CRPPA: variants seen among roughly 807,000 people sequenced by gnomAD.
CRPPA encodes D-ribitol-5-phosphate cytidylyltransferase.
CRPPA carries 43 observed loss-of-function variants against 52.0 expected under a neutral mutation model. The observed-to-expected ratio is 0.83, with a 90% confidence interval of 0.65 to 1.07. The LOEUF (loss-of-function observed/expected upper bound fraction) is 1.07, where lower values mean the gene tolerates loss of function less well. Among genes scored for constraint, CRPPA ranks in the 50% least tolerant of loss-of-function variants. The pLI, the probability that CRPPA is intolerant of heterozygous loss-of-function variation, is 0.00. For synonymous variants in CRPPA, 250 were observed against 203.5 expected (o/e 1.23, Z -1.94); for missense variants, 629 against 551.7 (o/e 1.14, Z -1.40).
chr7:16,376,384 G>C (rs997089335), intron 2 of CRPPA, 143 bp from the exon 3 acceptor site: 1 of 777,450 alleles, frequency 1.3e-6, no homozygotes, highest in East Asian at 3.0e-5. Flanking sequence ...AGTGTGATTG[G>C]TTCAAAAATG....
At chr7:16,114,373 T>G (rs1782327263) in intron 9 of CRPPA, among the ~76,000 whole-genome samples, 1 of 151,242 alleles carries the variant, frequency 6.6e-6, no homozygotes, top group Admixed American at 6.6e-5. Context: ...AACTGCAAGT[T>G]AAAGAAAATA....
intron 3 of CRPPA, among the ~76,000 whole-genome samples, chr7:16,340,704 T>A (rs1419468090): frequency 6.6e-6 from 1 of 151,898 alleles, no homozygotes; most frequent in Non-Finnish European, 1.5e-5. Context: ...TTGCAGTTCC[T>A]CAGGAAACTA....
At chr7:16,105,662 C>T (rs1453744625) in intron 9 of CRPPA, among the ~76,000 whole-genome samples, 1 of 152,036 alleles carries the variant, frequency 6.6e-6, no homozygotes, top group African/African-American at 2.4e-5. Flanking sequence ...CATAACCCAC[C>T]CACAAAGCTG....
At chr7:16,312,149 C>T (rs1424492775) in intron 3 of CRPPA, among the ~76,000 whole-genome samples, 1 of 151,968 alleles carries the variant, frequency 6.6e-6, no homozygotes, top group Non-Finnish European at 1.5e-5. Context: ...TTTGTCAATA[C>T]TCCAAAATAG....
chr7:16,362,867 T>G (rs1257344006), intron 3 of CRPPA, among the ~76,000 whole-genome samples: 1 of 152,180 alleles, frequency 6.6e-6, no homozygotes, highest in Non-Finnish European at 1.5e-5. Context: ...CAGAGGTTTG[T>G]CTCAGTTTTT....
chr7:16,234,621 C>T (rs1782892287), intron 8 of CRPPA, among the ~76,000 whole-genome samples: 1 of 152,040 alleles, frequency 6.6e-6, no homozygotes, highest in South Asian at 2.1e-4. Context: ...TTATTATTTC[C>T]TCATATCTGC....
intron 9 of CRPPA, among the ~76,000 whole-genome samples, chr7:16,167,577 C>T (rs1284848541): frequency 6.6e-6 from 1 of 152,088 alleles, no homozygotes; most frequent in Non-Finnish European, 1.5e-5. Context: ...CAGTGTAGTA[C>T]AGTATAAAAG....
Position 16,133,249 on chromosome 7 carries a change from G to A in CRPPA, c.1252-41450C>T, listed in dbSNP as rs1180958397. On this transcript the variant is annotated intron_variant, in intron 9 of 9. Transcript: ENST00000407010. ...TGAGAATTGCTTGAACCCAGGAGGT[G>A]GAGGTTGCAGTGAGCTGAAATCACA... Among the ~76,000 whole-genome samples the A allele has an allele frequency of 2.5e-5, 3 of 122,134 alleles. 1 individual carries two copies. Among genetic ancestry groups the A allele is most frequent in the Non-Finnish European group, 3.7e-5 (2 of 53,926 alleles). 80.1% of individuals were successfully genotyped at this position (122,134 alleles called of 152,430 possible).
chr7:16,353,921 A>G (rs1200040145), intron 3 of CRPPA, among the ~76,000 whole-genome samples: 1 of 152,210 alleles, frequency 6.6e-6, no homozygotes. Flanking sequence ...TATAGTAATT[A>G]GCCTGATTTC....
intron 1 of CRPPA, among the ~76,000 whole-genome samples, chr7:16,420,703 C>T (rs570082814): frequency 2.7e-3 from 404 of 152,330 alleles, no homozygotes; most frequent in Non-Finnish European, 4.0e-3. Context: ...TGCGCGGAGG[C>T]AGAGCCCCAG....
intron 9 of CRPPA, among the ~76,000 whole-genome samples, chr7:16,151,010 C>T (rs973451619): frequency 3.9e-5 from 6 of 152,182 alleles, no homozygotes; most frequent in Non-Finnish European, 8.8e-5. Flanking sequence ...ATTAAGTTCC[C>T]AACATAGGTT....
intron 3 of CRPPA, among the ~76,000 whole-genome samples, chr7:16,312,220 A>G (rs2189733): frequency 0.22 from 33,777 of 151,838 alleles, 4,634 homozygotes; most frequent in Admixed American, 0.31. Flanking sequence ...GAGAAATTAC[A>G]TCTTGACAAC....
intron 9 of CRPPA, among the ~76,000 whole-genome samples, chr7:16,100,828 A>G (rs1356876479): frequency 2.0e-5 from 3 of 152,098 alleles, no homozygotes; most frequent in Non-Finnish European, 4.4e-5. Context: ...TATGTTCCAT[A>G]AACACCTAGT....
chr7:16,359,176 C>T (rs1281575453), intron 3 of CRPPA, among the ~76,000 whole-genome samples: 1 of 152,162 alleles, frequency 6.6e-6, no homozygotes, highest in East Asian at 1.9e-4. Context: ...AGCTGGAGTG[C>T]AGTGGTGCAA....
rs764380983 is a variant in CRPPA at position 16,278,190 on chromosome 7, G to A, written c.872C>T (p.Thr291Ile). 3.2e-6 allele frequency: 5 copies of A among 1,579,260 alleles called. No homozygotes were observed. In the African/African-American group the frequency reaches 6.8e-5, roughly 21 times the overall value. The stretch of plus-strand genomic sequence containing the variant: ...ACCTACATGTTTGTTATCTTCTTCT[G>A]TATCCATAACTACACAAATCTCTTG... ...ISQEICVVMD[T>I]EEDNKHVGHL... Residue 291 changes from threonine (T) to isoleucine (I), a missense_variant, in exon 6 of 10, where the codon ACA (threonine) becomes ATA (isoleucine). Thr to Ile is a moderately conservative substitution (Grantham distance 89). Coordinates refer to ENST00000407010, the MANE Select transcript of CRPPA (RefSeq NM_001101426.4).
intron 9 of CRPPA, among the ~76,000 whole-genome samples, chr7:16,188,653 G>T (rs1019170894): frequency 2.2e-4 from 33 of 152,046 alleles, no homozygotes; most frequent in African/African-American, 8.0e-4. Flanking sequence ...ATAATATCAG[G>T]TTAACCTAGA....
Position 16,258,997 on chromosome 7 carries a change from A to G in CRPPA, c.949T>C (p.Ser317Pro), listed in dbSNP as rs1783721960. Residue 317 changes from serine to proline, a missense_variant, in exon 7 of 10, where the codon TCT becomes CCT. Coordinates refer to ENST00000407010, the MANE Select transcript of CRPPA (RefSeq NM_001101426.4). Reference sequence around the variant, plus strand: ...CTGCCAGCATGACCCAGAGCCTCAGATGTGACTTTTACATGCTAGTAGGAA... The same window carrying G: ...CTGCCAGCATGACCCAGAGCCTCAGGTGTGACTTTTACATGCTAGTAGGAA... ...KSELNHVKVTSEALGHAGRHL... is the reference protein window; with the variant it reads ...KSELNHVKVTPEALGHAGRHL... 1 of 1,609,930 alleles carries G rather than the reference A, an allele frequency of 6.2e-7. No individual in the cohort carries two copies. The highest frequency in any genetic ancestry group is 1.3e-5 in the African/African-American group (1 of 74,892).
chr7:16,246,013 A>G (rs1304503191), intron 8 of CRPPA, among the ~76,000 whole-genome samples: 2 of 152,134 alleles, frequency 1.3e-5, no homozygotes, highest in African/African-American at 4.8e-5. Flanking sequence ...AGACAACAAC[A>G]TAGTTCGCTG....
intron 9 of CRPPA, 72 bp from the exon 10 acceptor site, chr7:16,091,871 A>G: frequency 1.2e-6 from 1 of 865,318 alleles, no homozygotes; most frequent in Non-Finnish European, 1.7e-6. Context: ...ATAAAAAGCC[A>G]CTTTTCAAGA....
Sources: gnomAD v4.1 joint callset for allele counts (sites outside exome capture counted in the v4.1 genomes callset) on GRCh38, gnomAD v4.1.1 for gene constraint, MANE v1.5 for transcripts, NCBI Gene and HGNC (gene_info 2026-07-23, HGNC 2026-07-21) for gene names.